Variants in HTR1E observed in about 807,000 individuals in gnomAD.
HTR1E encodes the protein 5-hydroxytryptamine receptor 1E.
HTR1E carries 3 observed loss-of-function variants against 3.4 expected under a neutral mutation model. The ratio of observed to expected loss-of-function variants is 0.89; its 90% CI spans 0.41 to 2.31. HTR1E has a LOEUF of 2.31. HTR1E is among the 30% of genes most tolerant of loss of function. The pLI is 0.05. For missense variants in HTR1E, 392 were observed against 467.0 expected (o/e 0.84, Z 1.48); for synonymous variants, 170 against 182.8 (o/e 0.93, Z 0.56).
intron 1 of HTR1E, among the ~76,000 whole-genome samples, chr6:87,008,391 A>G (rs1768149866): frequency 6.6e-6 from 1 of 152,190 alleles, no homozygotes; most frequent in Non-Finnish European, 1.5e-5. Context: ...ACATTCCTGA[A>G]ATAATAAAAA....
At chr6:86,938,549 A>C (rs1488953885) in intron 1 of HTR1E, among the ~76,000 whole-genome samples, 1 of 152,198 alleles carries the variant, frequency 6.6e-6, no homozygotes. Context: ...GTGGTTTTGC[A>C]TCTATATGTA....
intron 1 of HTR1E, among the ~76,000 whole-genome samples, chr6:86,973,782 C>T (rs1437019702): frequency 1.3e-5 from 2 of 152,164 alleles, no homozygotes; most frequent in Admixed American, 6.5e-5. Context: ...AATACAAGTT[C>T]AAGCTAACCC....
intron 1 of HTR1E, among the ~76,000 whole-genome samples, chr6:86,998,137 T>A (rs1471052123): frequency 6.6e-6 from 1 of 151,978 alleles, no homozygotes; most frequent in East Asian, 1.9e-4. Context: ...ATACCCACAA[T>A]TATAGTTGGA....
chr6:86,973,859 G>A (rs551223721), intron 1 of HTR1E, among the ~76,000 whole-genome samples: 7 of 152,210 alleles, frequency 4.6e-5, no homozygotes, highest in South Asian at 2.1e-4. Context: ...GGTGAAAGCC[G>A]CAATAAACTG....
intron 1 of HTR1E, among the ~76,000 whole-genome samples, chr6:86,955,097 G>A (rs559536796): frequency 4.1e-4 from 63 of 152,212 alleles, no homozygotes; most frequent in Non-Finnish European, 3.1e-4. Flanking sequence ...CAAGGCTTCC[G>A]TCTCCCTGCC....
chr6:86,989,483 T>C (rs1310381974), intron 1 of HTR1E, among the ~76,000 whole-genome samples: 2 of 152,204 alleles, frequency 1.3e-5, no homozygotes, highest in African/African-American at 4.8e-5. Context: ...ATAACTGGTA[T>C]TGGAGGATTC....
intron 1 of HTR1E, among the ~76,000 whole-genome samples, chr6:86,999,759 T>C (rs1255569042): frequency 1.3e-5 from 2 of 152,168 alleles, no homozygotes; most frequent in Admixed American, 6.5e-5. Context: ...CTGAGGTAGC[T>C]TGAGAAAGTT....
chr6:87,014,574 A>G (rs1768288300), intron 1 of HTR1E, among the ~76,000 whole-genome samples: 1 of 152,236 alleles, frequency 6.6e-6, no homozygotes, highest in African/African-American at 2.4e-5. Context: ...CATCAGTGAT[A>G]GACTGGATAA....
chr6:86,993,152 C>T (rs1322126148), intron 1 of HTR1E, among the ~76,000 whole-genome samples: 2 of 151,874 alleles, frequency 1.3e-5, no homozygotes, highest in Non-Finnish European at 2.9e-5. Flanking sequence ...AAAGGAACAG[C>T]CAAGCAAGAA....
At chr6:86,996,263 C>G (rs765887314) in intron 1 of HTR1E, among the ~76,000 whole-genome samples, 1 of 152,138 alleles carries the variant, frequency 6.6e-6, no homozygotes, top group Non-Finnish European at 1.5e-5. Context: ...AGTATGTCCT[C>G]TGACCACAAT....
At chr6:86,943,335 C>T (rs1406861743) in intron 1 of HTR1E, among the ~76,000 whole-genome samples, 1 of 152,152 alleles carries the variant, frequency 6.6e-6, no homozygotes, top group African/African-American at 2.4e-5. Context: ...GCTAAGCTCC[C>T]GCCAGCTTCC....
chr6:86,967,447 CTAAAAGGTGTGATTCAA>C (rs1767486245), intron 1 of HTR1E, among the ~76,000 whole-genome samples: 23 of 151,966 alleles, frequency 1.5e-4, no homozygotes, highest in Admixed American at 1.5e-3. Context: ...AAATGCCTTG[CTAAAAGGTGTGATTCAA>C]TGGAGAGAAA....
At chr6:86,994,876 A>G (rs887607679) in intron 1 of HTR1E, among the ~76,000 whole-genome samples, 4 of 152,268 alleles carry the variant, frequency 2.6e-5, no homozygotes, top group Admixed American at 1.3e-4. Context: ...TAAGGTTTCT[A>G]TACTGCACTT....
rs1233051141 is a variant in HTR1E at position 86,937,646 on chromosome 6, C to A, written c.-363C>A. The stretch of plus-strand genomic sequence containing the variant: ...GCACCCCGGCGGGCACTGGCGCGGG[C>A]AAGGACGCTGGCGGGGAGAACGCCC... On this transcript the variant is annotated 5_prime_UTR_variant, in exon 1 of 2. Transcript: ENST00000305344. The A allele has an allele frequency of 6.5e-6, 1 of 152,804 alleles. No individual in the cohort carries two copies. Among genetic ancestry groups the A allele is most frequent in the Non-Finnish European group, 1.5e-5 (1 of 68,166 alleles). 9.5% of individuals were successfully genotyped at this position (152,804 alleles called of 1,614,324 possible).
chr6:86,994,695 G>A (rs1183719884), intron 1 of HTR1E, among the ~76,000 whole-genome samples: 1 of 152,124 alleles, frequency 6.6e-6, no homozygotes, highest in Non-Finnish European at 1.5e-5. Context: ...AACAGAAAGA[G>A]TGAAAATATG....
chr6:86,972,682 C>G (rs1432750574), intron 1 of HTR1E, among the ~76,000 whole-genome samples: 1 of 152,060 alleles, frequency 6.6e-6, no homozygotes, highest in African/African-American at 2.4e-5. Flanking sequence ...GCCAAACAAG[C>G]TAATTATAAT....
intron 1 of HTR1E, among the ~76,000 whole-genome samples, chr6:86,980,751 A>G (rs1767700624): frequency 1.3e-5 from 2 of 152,184 alleles, no homozygotes; most frequent in South Asian, 4.1e-4. Flanking sequence ...GCAGTACTTT[A>G]TTCCTCTTAA....
chr6:86,995,671 A>AAAAAAAAAAAAAAAAG (rs1767929204), intron 1 of HTR1E, among the ~76,000 whole-genome samples: 1 of 111,110 alleles, frequency 9.0e-6, no homozygotes, highest in Non-Finnish European at 1.9e-5. Context: ...ATCTCAAAAA[A>AAAAAAAAAAAAAAAAG]AAAAAAAAAA....
intron 1 of HTR1E, among the ~76,000 whole-genome samples, chr6:86,989,772 T>C (rs57201949): frequency 0.064 from 9,756 of 151,844 alleles, 510 homozygotes; most frequent in East Asian, 0.14. Context: ...AAGCAAGGAG[T>C]GTCTTTTTCA....
Sources: gnomAD v4.1 joint callset for allele counts (sites outside exome capture counted in the v4.1 genomes callset) on GRCh38, gnomAD v4.1.1 for gene constraint, MANE v1.5 for transcripts, NCBI Gene and HGNC (gene_info 2026-07-23, HGNC 2026-07-21) for gene names.